PC: variants seen among roughly 807,000 people sequenced by gnomAD.
PC encodes the protein pyruvate carboxylase.
PC carries 46 observed loss-of-function variants against 107.8 expected under a neutral mutation model. That is an observed-to-expected ratio of 0.43 (90% CI 0.34 to 0.55). The LOEUF is 0.55. Among genes scored for constraint, PC ranks in the 20% least tolerant of loss-of-function variants. The pLI, the probability that PC is intolerant of heterozygous loss-of-function variation, is 0.04. For missense variants in PC, 1,241 were observed against 1,643.1 expected, an observed-to-expected ratio of 0.76 and a Z score of 4.23; for synonymous variants, 662 against 684.7, an observed-to-expected ratio of 0.97 and a Z score of 0.52.
intron 3 of PC, among the ~76,000 whole-genome samples, chr11:66,895,853 G>A (rs948387952): frequency 3.3e-5 from 5 of 152,160 alleles, no homozygotes; most frequent in Non-Finnish European, 7.3e-5. Context: ...TTCCACACTG[G>A]AAGGACTTGC....
At chr11:66,941,577 C>T (rs1469127126) in intron 3 of PC, among the ~76,000 whole-genome samples, 10 of 152,188 alleles carry the variant, frequency 6.6e-5, no homozygotes, top group South Asian at 6.2e-4. Flanking sequence ...CTGCAAGCTC[C>T]GCCTCCCGGG....
chr11:66,879,133 G>A (rs1453206251), intron 3 of PC, among the ~76,000 whole-genome samples: 1 of 152,140 alleles, frequency 6.6e-6, no homozygotes, highest in African/African-American at 2.4e-5. Flanking sequence ...CAGCTGGAAG[G>A]CCCACACACT....
intron 3 of PC, among the ~76,000 whole-genome samples, chr11:66,923,438 A>T (rs1750217634): frequency 6.6e-6 from 1 of 151,660 alleles, no homozygotes; most frequent in African/African-American, 2.4e-5. Flanking sequence ...GACACAGGGA[A>T]AGAGAAAAGA....
At chr11:66,868,808 A>AGCCGCGCCTCCC in intron 10 of PC, 38 bp downstream of exon 10, 2 of 1,526,222 alleles carry the variant, frequency 1.3e-6, no homozygotes, top group Non-Finnish European at 1.8e-6. Context: ...AAATCCTAGA[A>AGCCGCGCCTCCC]GCCGCGCCTC....
chr11:66,901,375 A>C (rs1947951323), intron 3 of PC, among the ~76,000 whole-genome samples: 1 of 152,124 alleles, frequency 6.6e-6, no homozygotes, highest in Non-Finnish European at 1.5e-5. Flanking sequence ...TGATGCCACC[A>C]TCCTGACCCA....
intron 1 of PC, among the ~76,000 whole-genome samples, 187 bp from the exon 2 acceptor site, chr11:66,954,623 G>GAGAA (rs1298243451): frequency 6.6e-6 from 1 of 152,214 alleles, no homozygotes; most frequent in Admixed American, 6.5e-5. Flanking sequence ...GGCAGCCAAA[G>GAGAA]AGAAGGCCAT....
chr11:66,921,469 C>T (rs1360927992), intron 3 of PC, among the ~76,000 whole-genome samples: 2 of 152,076 alleles, frequency 1.3e-5, no homozygotes, highest in Non-Finnish European at 2.9e-5. Context: ...AAAAGGAAGC[C>T]AAAGACTCTG....
rs1945375758 is a variant in PC, at chr11:66,849,967, A to G, written c.2868T>C (p.His956=). ...EFLQGYIGVP[H]GGFPEPFRSK... is the part of the protein sequence containing the mutation. The stretch of plus-strand genomic sequence containing the variant: ...AGCGAAAGGGTTCGGGGAACCCCCC[A>G]TGGGGGACACCGATGTAGCCCTGCA... The change falls in exon 20 of 23, where the codon CAT becomes CAC. Residue 956 remains histidine (H), a synonymous_variant. Coordinates refer to ENST00000393960, the MANE Select transcript of PC (RefSeq NM_001040716.2). 5.6e-6 allele frequency: 9 copies of G among 1,613,618 alleles called. No homozygotes were observed. In the East Asian group the frequency reaches 1.6e-4, roughly 28 times the overall value.
In PC at chr11:66,947,946, G is replaced by C. The variant is rs376831318; in HGVS notation, c.-1+4484C>G. ...CCACTGCACTCCAGCCTGGGCGACA[G>C]AGTGAGATTCCGTCTCAAAAAAAAA... On this transcript the variant is annotated intron_variant, in intron 3 of 22. Transcript: ENST00000393960. Among the ~76,000 whole-genome samples, 23 of 148,512 alleles carry C rather than the reference G, an allele frequency of 1.5e-4. No homozygotes were observed. In the East Asian group the frequency reaches 4.5e-3, roughly 29 times the overall value.
Position 66,898,258 on chromosome 11 carries a change from C to T in PC, c.1-26099G>A, listed in dbSNP as rs181812512. On this transcript the variant is annotated intron_variant, in intron 3 of 22. Transcript: ENST00000393960. ...GGAGCCAGGGCCAGCGGTCACAGCC[C>T]GGTGGGAAAGTTTCCTCATTAAATC... Among the ~76,000 whole-genome samples the T allele has an allele frequency of 2.0e-3, 299 of 152,334 alleles. 1 individual carries two copies. The highest frequency in any genetic ancestry group is 3.4e-3 in the Middle Eastern group (1 of 294).
intron 3 of PC, among the ~76,000 whole-genome samples, chr11:66,904,819 T>C (rs1948104248): frequency 6.6e-6 from 1 of 152,144 alleles, no homozygotes; most frequent in Non-Finnish European, 1.5e-5. Flanking sequence ...GCATTAAGAG[T>C]TAAACCTTGG....
At chr11:66,865,359 T>C (rs1946446654) in intron 11 of PC, among the ~76,000 whole-genome samples, 1 of 152,232 alleles carries the variant, frequency 6.6e-6, no homozygotes, top group Non-Finnish European at 1.5e-5. Flanking sequence ...ATCAATGTCT[T>C]GCCTCCTTTG....
At chr11:66,887,377 A>G (rs75229657) in intron 3 of PC, among the ~76,000 whole-genome samples, 7,728 of 152,286 alleles carry the variant, frequency 0.051, 321 homozygotes, top group East Asian at 0.11. Flanking sequence ...TAATATAGAG[A>G]ACAGATACTC....
At chr11:66,900,100 T>C (rs1472363301) in intron 3 of PC, among the ~76,000 whole-genome samples, 1 of 152,102 alleles carries the variant, frequency 6.6e-6, no homozygotes, top group Non-Finnish European at 1.5e-5. Flanking sequence ...TTGATCTATA[T>C]ATCTATATGT....
rs113437925 is a variant in PC, at chr11:66,937,784, T to G, written c.-1+14646A>C. ...CAGAATTTCTGGGTTTTTTTTGTTT[T>G]TTTTTTTTTTGAGACTGAGTCTTGC... is the stretch of plus-strand genomic sequence containing the variant. On this transcript the variant is annotated intron_variant, in intron 3 of 22. Coordinates refer to ENST00000393960, the MANE Select transcript of PC (RefSeq NM_001040716.2). 6.2e-3 allele frequency among the ~76,000 whole-genome samples: 941 copies of G among 151,566 alleles called. 4 individuals carry two copies. Among genetic ancestry groups the G allele is most frequent in the Non-Finnish European group, 8.6e-3 (585 of 67,858 alleles).
intron 3 of PC, among the ~76,000 whole-genome samples, chr11:66,882,247 A>G (rs1248802691): frequency 6.6e-6 from 1 of 152,240 alleles, no homozygotes; most frequent in East Asian, 1.9e-4. Context: ...CCAGACAACA[A>G]CGTGGCCCCA....
intron 3 of PC, among the ~76,000 whole-genome samples, chr11:66,904,490 T>G (rs1948092348): frequency 6.6e-6 from 1 of 152,130 alleles, no homozygotes; most frequent in African/African-American, 2.4e-5. Context: ...ATACAAAAAT[T>G]AGCCTTGCAT....
rs1194503920 is a variant in PC, at chr11:66,871,489, G to A, written c.322-9C>T. The A allele has an allele frequency of 6.2e-7, 1 of 1,612,966 alleles. No homozygotes were observed. The highest frequency in any genetic ancestry group is 1.3e-5 in the African/African-American group (1 of 74,934). Reference sequence around the variant, plus strand: ...GCATCTACGTTGTTCTCCTGCAGGTGGGGGTCAGGGAGAGGACGGTACCTT... The same window carrying A: ...GCATCTACGTTGTTCTCCTGCAGGTAGGGGTCAGGGAGAGGACGGTACCTT... On this transcript the variant is annotated splice_polypyrimidine_tract_variant and intron_variant, in intron 5 of 22. Coordinates refer to ENST00000393960, the MANE Select transcript of PC (RefSeq NM_001040716.2). This position sits in a 1 kb window ranked among gnomAD's most constrained non-coding sequence, Gnocchi z 7.4.
At chr11:66,860,004 C>G in intron 12 of PC, 1 of 1,592,558 alleles carries the variant, frequency 6.3e-7, no homozygotes, top group South Asian at 1.1e-5. Flanking sequence ...GGCCCACCCG[C>G]CGCGGAGCCC....
Sources: gnomAD v4.1 joint callset for allele counts (sites outside exome capture counted in the v4.1 genomes callset) on GRCh38, gnomAD v4.1.1 for gene constraint, Gnocchi (gnomAD v3.1) non-coding constraint, MANE v1.5 for transcripts, NCBI Gene and HGNC (gene_info 2026-07-23, HGNC 2026-07-21) for gene names.